The following ST7 variants were observed in gnomAD, a reference collection of about 807,000 sequenced individuals.
ST7 encodes suppression of tumorigenicity 7.
In ST7, 28 loss-of-function variants were observed where a neutral mutation model predicts 78.7. The ratio of observed to expected loss-of-function variants is 0.36; its 90% confidence interval spans 0.26 to 0.49. The LOEUF (loss-of-function observed/expected upper bound fraction) is 0.49. Among genes scored for constraint, ST7 ranks in the 20% least tolerant of loss-of-function variants. The pLI, the probability that ST7 is intolerant of heterozygous loss-of-function variation, is 0.99. For missense variants in ST7, 418 were observed against 696.0 expected, an observed-to-expected ratio of 0.60 and a Z score of 4.49; for synonymous variants, 247 against 249.6, an observed-to-expected ratio of 0.99 and a Z score of 0.10.
intron 12 of ST7, 21 bp from the exon 13 acceptor site, chr7:117,209,766 T>G (rs201587975): frequency 6.2e-7 from 1 of 1,609,464 alleles, no homozygotes; most frequent in Non-Finnish European, 8.5e-7. Context: ...AACACAAGTG[T>G]GTCCTGCTTT....
chr7:117,149,243 G>T (rs1209064837), intron 9 of ST7, among the ~76,000 whole-genome samples: 1 of 152,042 alleles, frequency 6.6e-6, no homozygotes, highest in Non-Finnish European at 1.5e-5. Context: ...ACAAGCTTAG[G>T]CTCTAGTAGG....
chr7:117,227,752 A>T (rs1793539381), intron 15 of ST7, among the ~76,000 whole-genome samples: 1 of 152,146 alleles, frequency 6.6e-6, no homozygotes, highest in Admixed American at 6.5e-5. Flanking sequence ...AACTGCATTC[A>T]TGGGTGCTCC....
intron 12 of ST7, 126 bp from the exon 13 acceptor site, chr7:117,209,661 T>C (rs1445062470): frequency 2.8e-6 from 3 of 1,067,220 alleles, no homozygotes; most frequent in Non-Finnish European, 4.0e-6. Context: ...AATGTAGTAA[T>C]GAGGTTGCAG....
intron 12 of ST7, among the ~76,000 whole-genome samples, chr7:117,207,967 C>A (rs1732362434): frequency 6.6e-6 from 1 of 151,844 alleles, no homozygotes; most frequent in East Asian, 1.9e-4. Context: ...CCTCGGGGTC[C>A]TTTAAGACTA....
chr7:117,207,633 G>C (rs1299570749), intron 12 of ST7, among the ~76,000 whole-genome samples: 2 of 152,158 alleles, frequency 1.3e-5, no homozygotes, highest in Admixed American at 6.5e-5. Context: ...TCCACCATCT[G>C]ATTGTCAGGG....
At chr7:116,972,795 C>G in intron 1 of ST7, 1 of 954,830 alleles carries the variant, frequency 1.0e-6, no homozygotes, top group Non-Finnish European at 1.7e-6. Flanking sequence ...CCTGGGAACA[C>G]CTTTCTCCCT....
chr7:117,189,175 T>G, intron 10 of ST7, 146 bp from the exon 11 acceptor site: 1 of 508,838 alleles, frequency 2.0e-6, no homozygotes, highest in Non-Finnish European at 3.4e-6. Context: ...AAGGAATAGC[T>G]GAAATTCTTG....
Position 116,999,259 on chromosome 7 carries a change from A to G in ST7, c.151+45568A>G, listed in dbSNP as rs1351961674. 2.0e-5 allele frequency among the ~76,000 whole-genome samples: 3 copies of G among 152,348 alleles called. No homozygotes were observed. The East Asian group carries it at 5.8e-4, about 29-fold the overall frequency. On this transcript the variant is annotated intron_variant, in intron 1 of 15. Coordinates refer to ENST00000323984, the MANE Select transcript of ST7 (RefSeq NM_001369598.1). ...CTGGTATACAAGGAATTATAACAGAATTAGAATTACTGCTGTCATCTTAGA... is the reference window on the plus strand; with the variant it reads ...CTGGTATACAAGGAATTATAACAGAGTTAGAATTACTGCTGTCATCTTAGA...
chr7:117,119,703 A>G lies in ST7; in HGVS notation c.377A>G (p.Asn126Ser). 3.1e-6 allele frequency: 5 copies of G among 1,612,866 alleles called. No homozygotes were observed. The highest frequency in any genetic ancestry group is 4.2e-6 in the Non-Finnish European group (5 of 1,179,816). ...SNSSNGDSDS[N>S]RQSVSECKVW... ...TCCAGTAACGGGGACTCAGATTCCA[A>G]TAGGCAAAGTGTCTCAGGTATGGAA... is the stretch of plus-strand genomic sequence containing the variant. The change falls in exon 3 of 16, where the codon AAT becomes AGT. Residue 126 changes from asparagine to serine, a missense_variant. Asn to Ser is a conservative substitution (Grantham distance 46, BLOSUM62 1). Coordinates refer to ENST00000323984, the MANE Select transcript of ST7 (RefSeq NM_001369598.1).
intron 1 of ST7, among the ~76,000 whole-genome samples, chr7:117,000,744 T>C (rs544894289): frequency 2.0e-4 from 31 of 152,360 alleles, no homozygotes; most frequent in African/African-American, 6.5e-4. Context: ...CTTTGCCTTG[T>C]TGCAATGACT....
At chr7:117,010,107 C>T (rs533454586) in intron 1 of ST7, among the ~76,000 whole-genome samples, 1 of 152,332 alleles carries the variant, frequency 6.6e-6, no homozygotes. Flanking sequence ...GTGAAAGTAA[C>T]TGACAATTTC....
intron 1 of ST7, among the ~76,000 whole-genome samples, chr7:116,995,498 A>G (rs1251894411): frequency 1.3e-5 from 2 of 152,198 alleles, no homozygotes; most frequent in African/African-American, 2.4e-5. Flanking sequence ...CATACAAGCT[A>G]TAAATGGCCA....
chr7:117,172,462 T>C (rs747616108), intron 10 of ST7, among the ~76,000 whole-genome samples: 2 of 152,254 alleles, frequency 1.3e-5, no homozygotes, highest in Non-Finnish European at 2.9e-5. Context: ...TGTAACAAGA[T>C]ATATGCTACC....
intron 9 of ST7, among the ~76,000 whole-genome samples, chr7:117,160,705 A>G (rs1421390082): frequency 6.6e-6 from 1 of 151,628 alleles, no homozygotes; most frequent in Non-Finnish European, 1.5e-5. Context: ...TTTGAAAACA[A>G]TGTGCCAGAG....
intron 1 of ST7, among the ~76,000 whole-genome samples, chr7:117,048,903 G>A (rs187745047): frequency 3.3e-5 from 5 of 152,222 alleles, no homozygotes; most frequent in Admixed American, 2.0e-4. Flanking sequence ...CCATGATCTA[G>A]AGGCCGAATT....
chr7:117,106,731 C>A (rs1424070860), intron 2 of ST7, among the ~76,000 whole-genome samples: 3 of 151,284 alleles, frequency 2.0e-5, no homozygotes, highest in Non-Finnish European at 2.9e-5. Context: ...CACCATTCTC[C>A]TGCCTTAGCC....
intron 7 of ST7, among the ~76,000 whole-genome samples, chr7:117,135,467 A>G (rs1184583031): frequency 6.6e-6 from 1 of 152,106 alleles, no homozygotes; most frequent in Non-Finnish European, 1.5e-5. Flanking sequence ...TCTCTGAAGC[A>G]GAAAGTCAGT....
At chr7:117,080,586 T>G (rs192783284) in intron 1 of ST7, among the ~76,000 whole-genome samples, 2 of 152,304 alleles carry the variant, frequency 1.3e-5, no homozygotes, top group African/African-American at 2.4e-5. Context: ...TTAGGCTAAA[T>G]TCCCACGTGT....
In ST7 at chr7:117,229,951, A is replaced by G. The variant is rs746776249; in HGVS notation, c.*94A>G. On this transcript the variant is annotated 3_prime_UTR_variant, in exon 16 of 16. Coordinates refer to ENST00000323984, the MANE Select transcript of ST7 (RefSeq NM_001369598.1). ...ACCGCAAGAAAGCATGACTTTGAAAAAGGGAAGCCATTCCGAGATTTTAAA... is the reference window on the plus strand; with the variant it reads ...ACCGCAAGAAAGCATGACTTTGAAAGAGGGAAGCCATTCCGAGATTTTAAA... 1.8e-6 allele frequency: 2 copies of G among 1,107,612 alleles called. No individual in the cohort carries two copies. The highest frequency in any genetic ancestry group is 2.8e-6 in the Non-Finnish European group (2 of 717,234). The allele number at this position is 1,107,612 out of a possible 1,614,324, so 68.6% of individuals were successfully genotyped here.
Sources: allele counts gnomAD v4.1 joint callset (sites outside exome capture counted in the v4.1 genomes callset), GRCh38; gene constraint gnomAD v4.1.1; transcripts MANE v1.5; gene names NCBI Gene and HGNC (gene_info 2026-07-23, HGNC 2026-07-21).